The following CATSPERB variants were observed in gnomAD, a reference collection of about 807,000 sequenced individuals.
CATSPERB encodes the protein catsper channel auxiliary subunit beta.
In CATSPERB, 93 loss-of-function variants were observed where a neutral mutation model predicts 128.3. The observed-to-expected ratio is 0.72, with a 90% CI of 0.61 to 0.86. CATSPERB has a LOEUF of 0.86. CATSPERB is among the 40% of genes least tolerant of loss of function. The pLI is 0.00. For missense variants in CATSPERB, 1,153 were observed against 1,329.5 expected, an observed-to-expected ratio of 0.87 and a Z score of 2.06; for synonymous variants, 381 against 448.8, an observed-to-expected ratio of 0.85 and a Z score of 1.91.
At chr14:91,615,034 A>C (rs1351897906) in intron 20 of CATSPERB, among the ~76,000 whole-genome samples, 2 of 152,134 alleles carry the variant, frequency 1.3e-5, no homozygotes, top group Non-Finnish European at 2.9e-5. Context: ...TATTCACCAT[A>C]CTGTGCAATA....
intron 16 of CATSPERB, among the ~76,000 whole-genome samples, chr14:91,637,720 A>G (rs1216067340): frequency 2.6e-5 from 4 of 152,174 alleles, no homozygotes; most frequent in Admixed American, 6.6e-5. Flanking sequence ...ATGCATGCAT[A>G]GTTTGTGGAG....
At chr14:91,682,080 C>T (rs1895290939) in intron 11 of CATSPERB, among the ~76,000 whole-genome samples, 1 of 152,182 alleles carries the variant, frequency 6.6e-6, no homozygotes, top group Non-Finnish European at 1.5e-5. Flanking sequence ...GAACAGACTG[C>T]TGAGTCTGTG....
At chr14:91,633,421 A>T (rs1046735614) in intron 17 of CATSPERB, among the ~76,000 whole-genome samples, 21 of 148,544 alleles carry the variant, frequency 1.4e-4, no homozygotes, top group African/African-American at 4.0e-4. Flanking sequence ...CCAGAAAATT[A>T]AAAAAAAAAG....
At chr14:91,703,741 C>A (rs1191346312) in intron 7 of CATSPERB, among the ~76,000 whole-genome samples, 3 of 152,162 alleles carry the variant, frequency 2.0e-5, no homozygotes, top group Non-Finnish European at 4.4e-5. Context: ...ATCTTCTGGA[C>A]CTTGCCCAAC....
intron 13 of CATSPERB, among the ~76,000 whole-genome samples, chr14:91,671,180 A>G (rs1055254996): frequency 7.2e-5 from 11 of 152,174 alleles, no homozygotes; most frequent in Admixed American, 4.6e-4. Context: ...GAAGAATGTA[A>G]ATAAAACCTG....
At chr14:91,634,222 T>C (rs568269937) in intron 17 of CATSPERB, among the ~76,000 whole-genome samples, 1 of 152,296 alleles carries the variant, frequency 6.6e-6, no homozygotes, top group East Asian at 1.9e-4. Context: ...AAGAAAATCG[T>C]AAGAAAGGGA....
intron 15 of CATSPERB, among the ~76,000 whole-genome samples, chr14:91,640,063 T>A (rs1894463516): frequency 6.6e-6 from 1 of 152,118 alleles, no homozygotes; most frequent in Non-Finnish European, 1.5e-5. Flanking sequence ...TAGGCTTATG[T>A]AGCTAACTGC....
At chr14:91,630,282 G>T (rs956953165) in intron 17 of CATSPERB, among the ~76,000 whole-genome samples, 10 of 152,096 alleles carry the variant, frequency 6.6e-5, no homozygotes, top group African/African-American at 2.4e-4. Flanking sequence ...CTTAGCCCAG[G>T]CTCTCTTCCT....
At position 91,615,222 on chromosome 14, in the gene CATSPERB, C is replaced by T. The variant is rs532643933; in HGVS notation, c.2400+2375G>A. The stretch of plus-strand genomic sequence containing the variant: ...ACTGCCTGAGCTCCACCTCCTGTCA[C>T]ATCGGCGGCAGCATTAGATTCTCAT... On this transcript the variant is annotated intron_variant, in intron 20 of 26. Transcript: ENST00000256343. 2.0e-5 allele frequency among the ~76,000 whole-genome samples: 3 copies of T among 152,294 alleles called. No homozygotes were observed. The East Asian group carries it at 5.8e-4, about 29-fold the overall frequency.
chr14:91,649,943 C>T lies in CATSPERB; in HGVS notation c.1432+9894G>A, dbSNP rs10143798. Among the ~76,000 whole-genome samples the T allele has an allele frequency of 4.4e-3, 664 of 152,128 alleles. 11 individuals are homozygous for T. The highest frequency in any genetic ancestry group is 0.015 in the African/African-American group (621 of 41,502). On this transcript the variant is annotated intron_variant, in intron 15 of 26. Transcript: ENST00000256343. ...ATGTAGTCAGGCTTTTTCTTATGCT[C>T]CCGTGAGCTTTTCAGTAGCAAAACT...
chr14:91,620,854 C>T lies in CATSPERB; in HGVS notation c.2260+754G>A, dbSNP rs549941565. ...TCCCGCAAAAACTGTGTTTTCTGTC[C>T]GTGTTTGGCTGAACAATATCTGCAC... is the stretch of plus-strand genomic sequence containing the variant. On this transcript the variant is annotated intron_variant, in intron 19 of 26. Transcript: ENST00000256343. Among the ~76,000 whole-genome samples, 32 of 152,256 alleles carry T rather than the reference C, an allele frequency of 2.1e-4. No homozygotes were observed. In the South Asian group the frequency reaches 4.8e-3, roughly 23 times the overall value.
In CATSPERB at chr14:91,674,228, A is replaced by G; in HGVS notation, c.932-6T>C. On this transcript the variant is annotated splice_polypyrimidine_tract_variant and splice_region_variant and intron_variant, in intron 11 of 26. Coordinates refer to ENST00000256343, the MANE Select transcript of CATSPERB (RefSeq NM_024764.4). Reference sequence around the variant, plus strand: ...GGTAACTGTAACATAATCAACTGTGAAATAAATACAAGGGTACAGGAATTA... The same window carrying G: ...GGTAACTGTAACATAATCAACTGTGGAATAAATACAAGGGTACAGGAATTA... The G allele has an allele frequency of 6.5e-7, 1 of 1,528,868 alleles. No individual in the cohort carries two copies. Among genetic ancestry groups the G allele is most frequent in the African/African-American group, 1.4e-5 (1 of 72,456 alleles). The allele number at this position is 1,528,868 out of a possible 1,614,324, so 94.7% of individuals were successfully genotyped here.
intron 22 of CATSPERB, among the ~76,000 whole-genome samples, chr14:91,596,785 A>G (rs1893513790): frequency 6.6e-6 from 1 of 152,194 alleles, no homozygotes; most frequent in Non-Finnish European, 1.5e-5. Flanking sequence ...ATATTTGACA[A>G]TGCTTCCTGT....
intron 15 of CATSPERB, among the ~76,000 whole-genome samples, chr14:91,650,554 T>C (rs1277988779): frequency 6.6e-6 from 1 of 152,242 alleles, no homozygotes; most frequent in Admixed American, 6.5e-5. Context: ...TTGATTTTTG[T>C]TTCTTTAAAA....
At chr14:91,595,456 C>T (rs552619452) in intron 22 of CATSPERB, among the ~76,000 whole-genome samples, 7 of 152,114 alleles carry the variant, frequency 4.6e-5, no homozygotes, top group East Asian at 1.9e-4. Flanking sequence ...CATGAGCCAC[C>T]GCACCCAGCC....
At chr14:91,617,108 GA>G (rs1295773533) in intron 20 of CATSPERB, among the ~76,000 whole-genome samples, 4 of 152,094 alleles carry the variant, frequency 2.6e-5, no homozygotes, top group Admixed American at 6.6e-5. Flanking sequence ...CATATAAAGC[GA>G]TAAAAAGGAG....
chr14:91,727,137 T>C (rs576909036), intron 2 of CATSPERB, among the ~76,000 whole-genome samples: 1 of 152,326 alleles, frequency 6.6e-6, no homozygotes, highest in Non-Finnish European at 1.5e-5. Context: ...AGAGAACTGA[T>C]TTTTGGCTCA....
At chr14:91,689,756 CTTT>C (rs1259388466) in intron 10 of CATSPERB, among the ~76,000 whole-genome samples, 2 of 151,866 alleles carry the variant, frequency 1.3e-5, no homozygotes, top group African/African-American at 4.8e-5. Flanking sequence ...AGGTTATATT[CTTT>C]TTGTCTTATT....
intron 15 of CATSPERB, among the ~76,000 whole-genome samples, chr14:91,656,951 C>T (rs887501032): frequency 1.3e-5 from 2 of 151,982 alleles, no homozygotes; most frequent in Admixed American, 1.3e-4. Flanking sequence ...GTCAATTCAG[C>T]AAGAGGATAT....
Sources: gnomAD v4.1 joint callset for allele counts (sites outside exome capture counted in the v4.1 genomes callset) on GRCh38, gnomAD v4.1.1 for gene constraint, MANE v1.5 for transcripts, NCBI Gene and HGNC (gene_info 2026-07-23, HGNC 2026-07-21) for gene names.